Variants in BCAS3 observed in about 807,000 individuals in gnomAD.
BCAS3 encodes BCAS4/BCAS3 fusion.
BCAS3 carries 53 observed loss-of-function variants against 116.1 expected under a neutral mutation model. The observed-to-expected ratio is 0.46, with a 90% CI of 0.37 to 0.57. BCAS3 has a LOEUF of 0.57. Among genes scored for constraint, BCAS3 ranks in the 20% least tolerant of loss-of-function variants. BCAS3 has a pLI of 0.00. For synonymous variants in BCAS3, 391 were observed against 408.2 expected, an observed-to-expected ratio of 0.96 and a Z score of 0.51; for missense variants, 917 against 1,165.4, an observed-to-expected ratio of 0.79 and a Z score of 3.10.
At chr17:60,965,554 T>C (rs1023071566) in intron 14 of BCAS3, among the ~76,000 whole-genome samples, 1 of 152,096 alleles carries the variant, frequency 6.6e-6, no homozygotes, top group African/African-American at 2.4e-5. Flanking sequence ...CATTTTCACT[T>C]GTTTCAAGAC....
intron 4 of BCAS3, among the ~76,000 whole-genome samples, chr17:60,702,989 T>C (rs914382071): frequency 6.6e-6 from 1 of 151,800 alleles, no homozygotes; most frequent in Non-Finnish European, 1.5e-5. Context: ...ATATTGAAAA[T>C]GCAGGCTGGG....
At chr17:61,061,417 G>A (rs2070021001) in intron 19 of BCAS3, among the ~76,000 whole-genome samples, 1 of 152,124 alleles carries the variant, frequency 6.6e-6, no homozygotes, top group Non-Finnish European at 1.5e-5. Context: ...GTTGTTGTTT[G>A]TCAGGGCTTA....
Position 61,162,695 on chromosome 17 carries a change from A to G in BCAS3, c.2425+78131A>G, listed in dbSNP as rs1212788467. Among the ~76,000 whole-genome samples the G allele has an allele frequency of 3.9e-5, 6 of 152,328 alleles. No individual in the cohort carries two copies. In the East Asian group the frequency reaches 1.2e-3, roughly 29 times the overall value. Reference sequence around the variant, plus strand: ...ATAATAAGTAAACCAGTTCAGGGATATACTTCTCTTTCTGAAACTGATTCC... The same window carrying G: ...ATAATAAGTAAACCAGTTCAGGGATGTACTTCTCTTTCTGAAACTGATTCC... On this transcript the variant is annotated intron_variant, in intron 22 of 23. Transcript: ENST00000407086. The surrounding 1 kb of genome is among the most constrained non-coding windows in gnomAD (Gnocchi z 5.6).
chr17:60,977,052 C>T (rs964236193), intron 14 of BCAS3, among the ~76,000 whole-genome samples: 3 of 151,558 alleles, frequency 2.0e-5, no homozygotes, highest in Non-Finnish European at 2.9e-5. Flanking sequence ...GACGGGGTGG[C>T]GGCCGGGCGG....
chr17:60,974,118 A>C (rs2062148513), intron 14 of BCAS3, among the ~76,000 whole-genome samples: 1 of 152,202 alleles, frequency 6.6e-6, no homozygotes, highest in Admixed American at 6.5e-5. Context: ...AGATCATCTA[A>C]GTGCTTCTTA....
At chr17:61,121,567 T>C (rs923763476) in intron 22 of BCAS3, among the ~76,000 whole-genome samples, 4 of 152,262 alleles carry the variant, frequency 2.6e-5, no homozygotes, top group African/African-American at 9.6e-5. Flanking sequence ...TATACAACTT[T>C]ATGGTATTCA....
At position 61,013,269 on chromosome 17, in the gene BCAS3, T is replaced by A. The variant is rs1600469151; in HGVS notation, c.1487-2482T>A. On this transcript the variant is annotated intron_variant, in intron 15 of 23. Transcript: ENST00000407086. This position sits in a 1 kb window ranked among gnomAD's most constrained non-coding sequence, Gnocchi z 4.4. The stretch of plus-strand genomic sequence containing the variant: ...TAACAAGGAAAACAGTCCCTTACAG[T>A]GTTATCTTAAGCTAAGGCACTCAAC... 6.6e-6 allele frequency among the ~76,000 whole-genome samples: 1 copy of A among 152,104 alleles called. No individual in the cohort carries two copies. The highest frequency in any genetic ancestry group is 2.4e-5 in the African/African-American group (1 of 41,442).
At chr17:60,974,190 T>A (rs1403256093) in intron 14 of BCAS3, among the ~76,000 whole-genome samples, 1 of 152,158 alleles carries the variant, frequency 6.6e-6, no homozygotes, top group Non-Finnish European at 1.5e-5. Context: ...AATCCCAAAA[T>A]GTTATCATTC....
rs143320487 is a variant in BCAS3 at position 61,128,803 on chromosome 17, A to G, written c.2425+44239A>G. 2.9e-3 allele frequency among the ~76,000 whole-genome samples: 438 copies of G among 152,322 alleles called. No homozygotes were observed. The highest frequency in any genetic ancestry group is 4.4e-3 in the Non-Finnish European group (297 of 68,032). On this transcript the variant is annotated intron_variant, in intron 22 of 23. Coordinates refer to ENST00000407086, the MANE Select transcript of BCAS3 (RefSeq NM_017679.5). This position sits in a 1 kb window ranked among gnomAD's most constrained non-coding sequence, Gnocchi z 4.1. ...AAATCGGCAACTTTTGGTCTGTCAC[A>G]AGGTCAAGTGATGATTAGTGATGTA...
intron 22 of BCAS3, among the ~76,000 whole-genome samples, chr17:61,334,386 G>C (rs1359210246): frequency 6.6e-6 from 1 of 152,158 alleles, no homozygotes; most frequent in African/African-American, 2.4e-5. Context: ...AGAATAATGG[G>C]CCGGGCGCGG....
chr17:61,143,676 G>A (rs903226777), intron 22 of BCAS3, among the ~76,000 whole-genome samples: 1 of 152,156 alleles, frequency 6.6e-6, no homozygotes, highest in Non-Finnish European at 1.5e-5. Flanking sequence ...CGGCATGGTG[G>A]CGTGTGCATG....
At chr17:61,018,557 C>A (rs1383708093) in intron 16 of BCAS3, among the ~76,000 whole-genome samples, 1 of 152,138 alleles carries the variant, frequency 6.6e-6, no homozygotes, top group Non-Finnish European at 1.5e-5. Context: ...CTGCCTCGGC[C>A]TCCCAAAGTG....
chr17:61,320,675 CAAA>C (rs76246994), intron 22 of BCAS3, among the ~76,000 whole-genome samples: 5 of 97,060 alleles, frequency 5.2e-5, no homozygotes, highest in Admixed American at 1.2e-4. Flanking sequence ...GACTCTGTCT[CAAA>C]AAAAAAAAAA....
chr17:60,880,714 G>A (rs1416395243), intron 9 of BCAS3, among the ~76,000 whole-genome samples: 1 of 152,178 alleles, frequency 6.6e-6, no homozygotes, highest in Non-Finnish European at 1.5e-5. Context: ...GTTCTCTTGG[G>A]TATGAACATT....
intron 22 of BCAS3, among the ~76,000 whole-genome samples, chr17:61,231,351 T>C (rs1381148279): frequency 6.6e-6 from 1 of 152,216 alleles, no homozygotes; most frequent in Non-Finnish European, 1.5e-5. Flanking sequence ...GATGCATAGT[T>C]TGAGAATATT....
Position 61,220,509 on chromosome 17 carries a change from A to G in BCAS3, c.2425+135945A>G, listed in dbSNP as rs1213554597. 6.6e-6 allele frequency among the ~76,000 whole-genome samples: 1 copy of G among 152,198 alleles called. No individual in the cohort carries two copies. Among genetic ancestry groups the G allele is most frequent in the African/African-American group, 2.4e-5 (1 of 41,448 alleles). ...AGCCGAATTCTCAACTAATGACTTA[A>G]AACTTCAAATTTTAGGATTAAACAG... On this transcript the variant is annotated intron_variant, in intron 22 of 23. Transcript: ENST00000407086. This position sits in a 1 kb window ranked among gnomAD's most constrained non-coding sequence, Gnocchi z 4.5.
chr17:61,276,080 G>A lies in BCAS3; in HGVS notation c.2426-92247G>A, dbSNP rs1188157069. On this transcript the variant is annotated intron_variant, in intron 22 of 23. Transcript: ENST00000407086. The surrounding 1 kb of genome is among the most constrained non-coding windows in gnomAD (Gnocchi z 4.2). ...AAATCACTTGTGTTGGCCGGGTGCGGTGGCTCACGCGTGTAATCTCAGCAC... is the reference window on the plus strand; with the variant it reads ...AAATCACTTGTGTTGGCCGGGTGCGATGGCTCACGCGTGTAATCTCAGCAC... 6.6e-6 allele frequency among the ~76,000 whole-genome samples: 1 copy of A among 152,182 alleles called. No individual in the cohort carries two copies. The highest frequency in any genetic ancestry group is 1.5e-5 in the Non-Finnish European group (1 of 68,038).
chr17:61,297,011 C>T (rs1425342699), intron 22 of BCAS3, among the ~76,000 whole-genome samples: 3 of 152,258 alleles, frequency 2.0e-5, no homozygotes, highest in South Asian at 4.1e-4. Flanking sequence ...ACTTAGGCTA[C>T]AGTGTGGAAA....
chr17:60,803,155 C>T (rs1358491032), intron 6 of BCAS3, among the ~76,000 whole-genome samples: 1 of 152,024 alleles, frequency 6.6e-6, no homozygotes, highest in Admixed American at 6.6e-5. Context: ...TTAATGTTGT[C>T]ATTTAATCTT....
Sources: allele counts gnomAD v4.1 joint callset (sites outside exome capture counted in the v4.1 genomes callset), GRCh38; gene constraint gnomAD v4.1.1; non-coding constraint Gnocchi (gnomAD v3.1); transcripts MANE v1.5; gene names NCBI Gene and HGNC (gene_info 2026-07-23, HGNC 2026-07-21).